Variants in JAK1 observed in about 807,000 individuals in gnomAD.
JAK1 encodes the protein Janus kinase 1, also known as tyrosine-protein kinase JAK1.
JAK1 carries 16 observed loss-of-function variants against 136.6 expected under a neutral mutation model. The ratio of observed to expected loss-of-function variants is 0.12; its 90% CI spans 0.08 to 0.18. The LOEUF (loss-of-function observed/expected upper bound fraction) is 0.18. JAK1 is among the 10% of genes least tolerant of loss of function. JAK1 has a pLI of 1.00. For synonymous variants in JAK1, 492 were observed against 519.5 expected (o/e 0.95, Z 0.72); for missense variants, 859 against 1,450.1 (o/e 0.59, Z 6.62).
At chr1:64,836,036 C>A in intron 23 of JAK1, 62 bp downstream of exon 23, 1 of 861,492 alleles carries the variant, frequency 1.2e-6, no homozygotes. Context: ...GTTAACCAAG[C>A]AGAGGGATGG....
chr1:64,847,776 G>GGGGCA (rs1456481473), intron 12 of JAK1, 101 bp from the exon 13 acceptor site: 1 of 1,354,212 alleles, frequency 7.4e-7, no homozygotes, highest in Admixed American at 2.1e-5. Flanking sequence ...TCAATGGGAT[G>GGGGCA]GGGCAAAGGC....
upstream of JAK1, chr1:64,966,593 C>A (rs1453317988): frequency 2.0e-5 from 3 of 147,240 alleles, no homozygotes; most frequent in East Asian, 2.0e-4. Context: ...GCCGGCCCCA[C>A]CCCCGTGGCC....
chr1:64,853,245 CCT>C lies in JAK1; in HGVS notation c.1648+2262_1648+2263del, dbSNP rs1655713737. On this transcript the variant is annotated intron_variant, in intron 11 of 24. Transcript: ENST00000342505. ...GCTTTGGGGGACCTATGTAAGGAGG[CCT>C]CACACACAGGCCTTATTCTTACTCT... Among the ~76,000 whole-genome samples the C allele has an allele frequency of 2.0e-5, 3 of 152,162 alleles. No individual in the cohort carries two copies. The South Asian group carries it at 6.2e-4, about 32-fold the overall frequency.
chr1:64,920,380 A>G (rs1202474933), intron 1 of JAK1, among the ~76,000 whole-genome samples: 1 of 152,172 alleles, frequency 6.6e-6, no homozygotes, highest in Admixed American at 6.5e-5. Context: ...TCTCTACATA[A>G]AACATAAAAA....
intron 1 of JAK1, among the ~76,000 whole-genome samples, chr1:64,898,842 C>T (rs1296357790): frequency 6.6e-6 from 1 of 152,162 alleles, no homozygotes; most frequent in Non-Finnish European, 1.5e-5. Flanking sequence ...TTGTTCAGTG[C>T]ATTTCAGCTG....
Position 64,873,549 on chromosome 1 carries a change from A to G in JAK1, c.330-26T>C, listed in dbSNP as rs3818753. ...CTGGAAGGCAGGAAAATGAATGCCA[A>G]TTGTGGCAAAGGGGACCCAGATGTG... On this transcript the variant is annotated intron_variant, in intron 4 of 24. Transcript: ENST00000342505. The G allele has an allele frequency of 3.8e-3, 6,057 of 1,613,898 alleles. 105 individuals are homozygous for G. In the East Asian group the frequency reaches 0.063, roughly 17 times the overall value.
At position 65,067,411 on chromosome 1, in the gene JAK1, C is replaced by G. The variant is rs576385784; in HGVS notation, c.-181+193G>C. The stretch of plus-strand genomic sequence containing the variant: ...GGCTTCCCGCGTCCCCAGGCCGGCT[C>G]CGACGCGCCGCGAGACGGGGCCGGG... On this transcript the variant is annotated intron_variant, in intron 1 of 25. Transcript: ENST00000671954. Among the ~76,000 whole-genome samples, 23 of 148,828 alleles carry G rather than the reference C, an allele frequency of 1.5e-4. 2 individuals carry two copies. The South Asian group carries it at 3.5e-3, about 23-fold the overall frequency.
At chr1:64,978,295 A>T (rs1004810496) in intron 2 of JAK1, among the ~76,000 whole-genome samples, 1 of 152,178 alleles carries the variant, frequency 6.6e-6, no homozygotes, top group Non-Finnish European at 1.5e-5. Flanking sequence ...AAACAAACAA[A>T]GAAAAAAACA....
At chr1:64,861,890 G>A (rs1399328845) in intron 8 of JAK1, among the ~76,000 whole-genome samples, 1 of 151,940 alleles carries the variant, frequency 6.6e-6, no homozygotes, top group Non-Finnish European at 1.5e-5. Flanking sequence ...GCAAATTCAA[G>A]ATGCTCTGAA....
At chr1:64,932,018 C>T (rs1011346865) in intron 1 of JAK1, among the ~76,000 whole-genome samples, 20 of 152,224 alleles carry the variant, frequency 1.3e-4, no homozygotes, top group African/African-American at 4.8e-4. Context: ...AATACCTACA[C>T]TTTAGACTAC....
intron 1 of JAK1, among the ~76,000 whole-genome samples, chr1:64,892,759 C>CG (rs1644958720): frequency 6.6e-6 from 1 of 152,196 alleles, no homozygotes; most frequent in Non-Finnish European, 1.5e-5. Flanking sequence ...GGCGTTCCCA[C>CG]AGTCAACTGG....
At chr1:64,989,002 G>A (rs6667112) in intron 2 of JAK1, among the ~76,000 whole-genome samples, 2,065 of 129,158 alleles carry the variant, frequency 0.016, 17 homozygotes, top group Middle Eastern at 0.061. Flanking sequence ...GTGTGTGTGT[G>A]TATATATATA....
intron 2 of JAK1, among the ~76,000 whole-genome samples, chr1:65,012,654 T>G (rs546962747): frequency 1.3e-5 from 2 of 152,090 alleles, no homozygotes; most frequent in East Asian, 3.9e-4. Context: ...TAGCTAGGCA[T>G]GATGGTGTGC....
intron 2 of JAK1, among the ~76,000 whole-genome samples, chr1:65,006,753 C>T (rs1305857926): frequency 6.6e-6 from 1 of 152,098 alleles, no homozygotes; most frequent in Non-Finnish European, 1.5e-5. Context: ...ATTAGCTGAA[C>T]CTGTAGATTC....
intron 1 of JAK1, among the ~76,000 whole-genome samples, chr1:65,063,921 T>C (rs1466190646): frequency 6.6e-6 from 1 of 152,162 alleles, no homozygotes; most frequent in East Asian, 1.9e-4. Context: ...CACATGTAAT[T>C]TTTAATTCTC....
intron 1 of JAK1, among the ~76,000 whole-genome samples, chr1:65,061,909 T>C (rs1647806835): frequency 6.6e-6 from 1 of 152,182 alleles, no homozygotes; most frequent in South Asian, 2.1e-4. Flanking sequence ...CACCGCCCTA[T>C]ACAAAGTTAG....
chr1:64,847,954 G>A, intron 12 of JAK1: 1 of 409,302 alleles, frequency 2.4e-6, no homozygotes, highest in Non-Finnish European at 4.4e-6. Flanking sequence ...CCAAAACACA[G>A]TCCTAACATG....
intron 1 of JAK1, among the ~76,000 whole-genome samples, chr1:64,905,245 C>T (rs1457374846): frequency 2.6e-5 from 4 of 152,134 alleles, no homozygotes; most frequent in Non-Finnish European, 4.4e-5. Context: ...AGTGCGAGGA[C>T]GGTGACAGAG....
At chr1:64,961,994 TAAC>T (rs1646290559) in intron 1 of JAK1, among the ~76,000 whole-genome samples, 1 of 152,134 alleles carries the variant, frequency 6.6e-6, no homozygotes, top group East Asian at 1.9e-4. Context: ...AAAAGAAAGA[TAAC>T]AAGGGGAAGC....
Sources: allele counts gnomAD v4.1 joint callset (sites outside exome capture counted in the v4.1 genomes callset), GRCh38; gene constraint gnomAD v4.1.1; transcripts MANE v1.5; gene names NCBI Gene and HGNC (gene_info 2026-07-23, HGNC 2026-07-21).